ZCWPW1: variants seen among roughly 807,000 people sequenced by gnomAD.
ZCWPW1 encodes zinc finger CW-type PWWP domain protein 1.
ZCWPW1 carries 56 observed loss-of-function variants against 81.3 expected under a neutral mutation model. The observed-to-expected ratio is 0.69, with a 90% CI of 0.56 to 0.86. The LOEUF is 0.86. Ranked by LOEUF, ZCWPW1 falls within the 40% of genes least tolerant of loss-of-function variation. The probability of loss-of-function intolerance (pLI) is 0.00; values close to 1 mark genes in which losing one functional copy is unlikely to be tolerated. For missense variants in ZCWPW1, 650 were observed against 769.8 expected (o/e 0.84, Z 1.84); for synonymous variants, 250 against 273.7 (o/e 0.91, Z 0.86).
chr7:100,419,288 A>T, intron 4 of ZCWPW1, 99 bp from the exon 5 acceptor site: 1 of 1,040,950 alleles, frequency 9.6e-7, no homozygotes. Context: ...CAGTAAGTTT[A>T]TAAGACGGAA....
intron 5 of ZCWPW1, 141 bp from the exon 6 acceptor site, chr7:100,417,324 A>C: frequency 3.4e-6 from 2 of 596,292 alleles, no homozygotes; most frequent in South Asian, 2.3e-5. Context: ...TAAATATTTA[A>C]ATTTTCAGGA....
At chr7:100,405,863 G>A (rs567736689) in intron 12 of ZCWPW1, among the ~76,000 whole-genome samples, 1 of 152,276 alleles carries the variant, frequency 6.6e-6, no homozygotes, top group South Asian at 2.1e-4. Context: ...GAGCTCAGGC[G>A]ATCTGCCCAC....
Position 100,416,463 on chromosome 7 carries a change from A to C in ZCWPW1, c.480-7T>G, listed in dbSNP as rs1458318278. 1.5e-5 allele frequency: 24 copies of C among 1,611,930 alleles called. No individual in the cohort carries two copies. The highest frequency in any genetic ancestry group is 2.0e-5 in the Non-Finnish European group (23 of 1,179,264). On this transcript the variant is annotated splice_polypyrimidine_tract_variant and splice_region_variant and intron_variant, in intron 6 of 17. Transcript: ENST00000684423. ...AGTATGTGGTACCTCCTCTCTGAAAATGAGGTTTTATTTTAATGAAAGGTA... is the reference window on the plus strand; with the variant it reads ...AGTATGTGGTACCTCCTCTCTGAAACTGAGGTTTTATTTTAATGAAAGGTA...
chr7:100,422,693 G>A (rs1391185315), intron 2 of ZCWPW1, among the ~76,000 whole-genome samples: 1 of 152,154 alleles, frequency 6.6e-6, no homozygotes, highest in Non-Finnish European at 1.5e-5. Context: ...AGTGAGTATA[G>A]TACCCAATAG....
chr7:100,401,101 A>G lies in ZCWPW1; in HGVS notation c.1863T>C (p.Asp621=). 1.2e-6 allele frequency: 2 copies of G among 1,614,112 alleles called. No individual in the cohort carries two copies. The highest frequency in any genetic ancestry group is 1.7e-6 in the Non-Finnish European group (2 of 1,180,006). ...SDLDLEQLME[D]VGRELGQSGE... ...CGCTCTGCCCCAGCTCTCTCCCAAC[A>G]TCTTCCATGAGTTGCTCCAGGTCCA... The change falls in exon 18 of 18, where the codon GAT becomes GAC. Residue 621 remains aspartate, a synonymous_variant. Transcript: ENST00000684423.
rs1352419511 is a variant in ZCWPW1, at chr7:100,401,047, G to A, written c.1917C>T (p.Gly639=). 1.9e-6 allele frequency: 3 copies of A among 1,612,772 alleles called. No individual in the cohort carries two copies. The highest frequency in any genetic ancestry group is 1.1e-5 in the South Asian group (1 of 91,004). ...SGELQHSNSD[G]EDFPVALFGK is the part of the protein sequence containing the mutation. ...CAAACAGCGCCACGGGGAAGTCCTC[G>A]CCATCACTGTTGCTGTGCTGCAGCT... The change falls in exon 18 of 18, where the codon GGC becomes GGT. Residue 639 remains glycine (G), a synonymous_variant. Coordinates refer to ENST00000684423, the MANE Select transcript of ZCWPW1 (RefSeq NM_001386010.1).
intron 6 of ZCWPW1, 60 bp downstream of exon 6, chr7:100,417,006 G>T: frequency 6.1e-6 from 7 of 1,147,588 alleles, no homozygotes; most frequent in South Asian, 1.3e-5. Flanking sequence ...TAGATAGACT[G>T]ACTGACCATG....
In ZCWPW1 at chr7:100,400,878, G is replaced by T; in HGVS notation, c.*136C>A. 1 of 1,036,508 alleles carries T rather than the reference G, an allele frequency of 9.6e-7. No individual in the cohort carries two copies. The highest frequency in any genetic ancestry group is 1.3e-6 in the Non-Finnish European group (1 of 742,208). 64.2% of individuals were successfully genotyped at this position (1,036,508 alleles called of 1,614,324 possible). ...TAGAGACCAGCCAACCCAGTCGACT[G>T]TAACCTGCTTTATTAACACAGAAAC... On this transcript the variant is annotated 3_prime_UTR_variant, in exon 18 of 18. Transcript: ENST00000684423.
intron 15 of ZCWPW1, 90 bp from the exon 16 acceptor site, chr7:100,402,666 G>A: frequency 1.5e-6 from 2 of 1,348,196 alleles, no homozygotes; most frequent in Non-Finnish European, 2.1e-6. Context: ...TGACAGGTGG[G>A]CTTTGGGGAA....
Position 100,405,105 on chromosome 7 carries a change from G to T in ZCWPW1, c.1174-12C>A, listed in dbSNP as rs761229659. The T allele has an allele frequency of 2.5e-6, 4 of 1,610,266 alleles. No homozygotes were observed. Among genetic ancestry groups the T allele is most frequent in the Non-Finnish European group, 3.4e-6 (4 of 1,178,444 alleles). On this transcript the variant is annotated splice_polypyrimidine_tract_variant and intron_variant, in intron 12 of 17. Transcript: ENST00000684423. ...TTTCTGCGCTTTTTCTGAAATAGAA[G>T]ATTAGAGCCAATGATAAATATTGAC...
At chr7:100,427,697 TAAA>T (rs549307225) in intron 1 of ZCWPW1, among the ~76,000 whole-genome samples, 32 of 109,922 alleles carry the variant, frequency 2.9e-4, no homozygotes, top group African/African-American at 9.2e-4. Flanking sequence ...AGACAGTCTT[TAAA>T]AAAAAAAAAA....
At chr7:100,405,499 C>A (rs1157888736) in intron 12 of ZCWPW1, among the ~76,000 whole-genome samples, 1 of 152,120 alleles carries the variant, frequency 6.6e-6, no homozygotes, top group Non-Finnish European at 1.5e-5. Flanking sequence ...ATACTGCTAC[C>A]CATCTGACAT....
intron 1 of ZCWPW1, among the ~76,000 whole-genome samples, chr7:100,425,587 C>T (rs948295416): frequency 1.3e-5 from 2 of 152,056 alleles, no homozygotes; most frequent in Admixed American, 1.3e-4. Flanking sequence ...TCCTAGGGGG[C>T]CCTCTCCCTT....
rs970555726 is a variant in ZCWPW1, at chr7:100,409,658, T to A, written c.755-114A>T. On this transcript the variant is annotated intron_variant, in intron 8 of 17. Transcript: ENST00000684423. ...CCAGAATGACATAGCCAGAGAGACA[T>A]TAGAGATCAACCAGCCCGATCCCTG... The A allele has an allele frequency of 1.5e-5, 11 of 728,662 alleles. No homozygotes were observed. The African/African-American group carries it at 1.9e-4, about 13-fold the overall frequency. 45.1% of individuals were successfully genotyped at this position (728,662 alleles called of 1,614,324 possible).
Position 100,402,567 on chromosome 7 carries a change from A to G in ZCWPW1, c.1423T>C (p.Leu475=). 1.2e-6 allele frequency: 2 copies of G among 1,614,154 alleles called. No individual in the cohort carries two copies. The highest frequency in any genetic ancestry group is 1.1e-5 in the South Asian group (1 of 91,082). ...KEEGEKTDPI[L]PIRKRVKIQT... is the part of the protein sequence containing the mutation. ...ATTTTGACTCGCTTACGAATGGGCAAAATTGGGTCCTGAGGATGGGAGAGA... is the reference window on the plus strand; with the variant it reads ...ATTTTGACTCGCTTACGAATGGGCAGAATTGGGTCCTGAGGATGGGAGAGA... Residue 475 remains leucine (L), a synonymous_variant, in exon 16 of 18, where the codon TTG becomes CTG. Transcript: ENST00000684423.
chr7:100,419,294 C>T (rs758300161), intron 4 of ZCWPW1, 105 bp from the exon 5 acceptor site: 52 of 971,786 alleles, frequency 5.4e-5, no homozygotes, highest in South Asian at 2.6e-4. Flanking sequence ...GTTTATAAGA[C>T]GGAAGGCATG....
chr7:100,414,952 G>A (rs1457658842), intron 8 of ZCWPW1, among the ~76,000 whole-genome samples: 1 of 151,488 alleles, frequency 6.6e-6, no homozygotes, highest in Non-Finnish European at 1.5e-5. Context: ...TTGAACCCGG[G>A]AGGAGAAGGT....
At position 100,419,753 on chromosome 7, in the gene ZCWPW1, T is replaced by G. The variant is rs746533692; in HGVS notation, c.159A>C (p.Ile53=). The G allele has an allele frequency of 1.9e-6, 3 of 1,614,182 alleles. No individual in the cohort carries two copies. The South Asian group carries it at 3.3e-5, about 18-fold the overall frequency. The change falls in exon 4 of 18, where the codon ATA becomes ATC. Residue 53 remains isoleucine, a synonymous_variant. Coordinates refer to ENST00000684423, the MANE Select transcript of ZCWPW1 (RefSeq NM_001386010.1). The part of the protein sequence containing the change: ...GISSPETEAR[I]SLPKASLKKK... ...TCTTTAAACTGGCCTTTGGCAGGCT[T>G]ATCCTGGCCTCTGTCTCTGGGGAAC... is the stretch of plus-strand genomic sequence containing the variant.
In ZCWPW1 at chr7:100,419,626, G is replaced by C. The variant is rs1254089382; in HGVS notation, c.282+4C>G. ...CTACCAGAGCCCACCACTATGACTGGTACCTTTTCTTTCTTCTCTGCTTGC... is the reference window on the plus strand; with the variant it reads ...CTACCAGAGCCCACCACTATGACTGCTACCTTTTCTTTCTTCTCTGCTTGC... On this transcript the variant is annotated splice_donor_region_variant and intron_variant, in intron 4 of 17. Transcript: ENST00000684423. 6.2e-7 allele frequency: 1 copy of C among 1,608,498 alleles called. No individual in the cohort carries two copies. Among genetic ancestry groups the C allele is most frequent in the Non-Finnish European group, 8.5e-7 (1 of 1,178,130 alleles).
Sources: allele counts gnomAD v4.1 joint callset (sites outside exome capture counted in the v4.1 genomes callset), GRCh38; gene constraint gnomAD v4.1.1; transcripts MANE v1.5; gene names NCBI Gene and HGNC (gene_info 2026-07-23, HGNC 2026-07-21).